Variants in ATP6V1G3 observed in about 807,000 individuals in gnomAD.
ATP6V1G3 encodes ATPase H+ transporting V1 subunit G3.
A neutral mutation model predicts 9.3 loss-of-function variants in ATP6V1G3; 9 were observed. That is an observed-to-expected ratio of 0.97 (90% CI 0.59 to 1.69). The LOEUF (loss-of-function observed/expected upper bound fraction) is 1.69, where lower values mean the gene tolerates loss of function less well. ATP6V1G3 is among the 40% of genes most tolerant of loss of function. The pLI, the probability that ATP6V1G3 is intolerant of heterozygous loss-of-function variation, is 0.00. For missense variants in ATP6V1G3, 133 were observed against 139.0 expected, an observed-to-expected ratio of 0.96 and a Z score of 0.22; for synonymous variants, 43 against 43.8, an observed-to-expected ratio of 0.98 and a Z score of 0.07.
chr1:198,528,699 T>C (rs1659763384), intron 2 of ATP6V1G3, among the ~76,000 whole-genome samples: 1 of 152,088 alleles, frequency 6.6e-6, no homozygotes, highest in Admixed American at 6.6e-5. Flanking sequence ...TAGTTATTTA[T>C]GTAACTAACC....
At chr1:198,538,891 C>CAGAAAAAAAA (rs1553275392) in intron 1 of ATP6V1G3, among the ~76,000 whole-genome samples, 3 of 97,386 alleles carry the variant, frequency 3.1e-5, no homozygotes. Flanking sequence ...GACCCTGTCT[C>CAGAAAAAAAA]AAAAAAAAAA....
At chr1:198,528,248 GT>G (rs1271636573) in intron 2 of ATP6V1G3, among the ~76,000 whole-genome samples, 1 of 152,010 alleles carries the variant, frequency 6.6e-6, no homozygotes, top group Non-Finnish European at 1.5e-5. Flanking sequence ...TTATTATGTG[GT>G]CCAATTTATC....
chr1:198,530,946 C>G (rs1007573697), intron 1 of ATP6V1G3, among the ~76,000 whole-genome samples: 1 of 151,976 alleles, frequency 6.6e-6, no homozygotes, highest in Non-Finnish European at 1.5e-5. Flanking sequence ...TACTCTCCAT[C>G]TTAATTGCAT....
At chr1:198,534,307 G>A (rs891255314) in intron 1 of ATP6V1G3, among the ~76,000 whole-genome samples, 7 of 152,156 alleles carry the variant, frequency 4.6e-5, no homozygotes, top group Non-Finnish European at 7.3e-5. Context: ...ACACAGGGAG[G>A]AAGGCCATGT....
At chr1:198,540,733 T>C (rs1660314197), upstream of ATP6V1G3, 12 of 1,368,560 alleles carry the variant, frequency 8.8e-6, no homozygotes, top group South Asian at 1.2e-4. Flanking sequence ...AACATATAAC[T>C]CAGATTATTG....
Position 198,529,301 on chromosome 1 carries a change from C to T in ATP6V1G3, c.83-120G>A, listed in dbSNP as rs987289386. 4.8e-4 allele frequency: 107 copies of T among 222,428 alleles called. 1 individual carries two copies. The highest frequency in any genetic ancestry group is 1.9e-3 in the Admixed American group (33 of 17,354). 13.8% of individuals were successfully genotyped at this position (222,428 alleles called of 1,614,324 possible). Reference sequence around the variant, plus strand: ...AACAACTGTACATATATGTTACACACGTATGCATATGGAGCTGCAAACTTA... The same window carrying T: ...AACAACTGTACATATATGTTACACATGTATGCATATGGAGCTGCAAACTTA... On this transcript the variant is annotated intron_variant, in intron 1 of 2. Coordinates refer to ENST00000367382, the MANE Select transcript of ATP6V1G3 (RefSeq NM_001376861.1).
At chr1:198,532,009 G>A (rs897170742) in intron 1 of ATP6V1G3, among the ~76,000 whole-genome samples, 4 of 152,090 alleles carry the variant, frequency 2.6e-5, no homozygotes, top group African/African-American at 7.2e-5. Flanking sequence ...GTGAGTTTGA[G>A]GAGAAGTCCT....
chr1:198,538,188 G>T (rs1037343857), intron 1 of ATP6V1G3, among the ~76,000 whole-genome samples: 3 of 151,904 alleles, frequency 2.0e-5, no homozygotes, highest in Non-Finnish European at 4.4e-5. Context: ...GGTAGATTAA[G>T]AAAAAAATAT....
Position 198,529,446 on chromosome 1 carries a change from G to A in ATP6V1G3, c.83-265C>T, listed in dbSNP as rs77166661. Among the ~76,000 whole-genome samples the A allele has an allele frequency of 4.9e-4, 74 of 151,720 alleles. No homozygotes were observed. In the East Asian group the frequency reaches 0.013, roughly 27 times the overall value. On this transcript the variant is annotated intron_variant, in intron 1 of 2. Transcript: ENST00000367382. Reference sequence around the variant, plus strand: ...TTTTTTATTGGATTCTTTAGGACACGTAAATGACAACTTTTTTTTGCACTT... The same window carrying A: ...TTTTTTATTGGATTCTTTAGGACACATAAATGACAACTTTTTTTTGCACTT...
At chr1:198,537,101 C>T (rs191119766) in intron 1 of ATP6V1G3, among the ~76,000 whole-genome samples, 1 of 152,302 alleles carries the variant, frequency 6.6e-6, no homozygotes. Context: ...GATTTCATCT[C>T]TCTCAGTAGC....
intron 2 of ATP6V1G3, among the ~76,000 whole-genome samples, chr1:198,524,981 G>GC (rs1659598579): frequency 6.6e-6 from 1 of 152,118 alleles, no homozygotes; most frequent in East Asian, 1.9e-4. Flanking sequence ...AGGCGCTTGG[G>GC]TTCAAGTTCT....
At chr1:198,534,932 CAA>C (rs1323109112) in intron 1 of ATP6V1G3, among the ~76,000 whole-genome samples, 1 of 152,180 alleles carries the variant, frequency 6.6e-6, no homozygotes, top group Non-Finnish European at 1.5e-5. Flanking sequence ...ACCAGAAAAA[CAA>C]AGAGGCAGCC....
At chr1:198,536,331 G>C (rs897722238) in intron 1 of ATP6V1G3, among the ~76,000 whole-genome samples, 3 of 152,166 alleles carry the variant, frequency 2.0e-5, no homozygotes, top group Admixed American at 1.3e-4. Context: ...ACAAGTCTCT[G>C]TTCCTCCTGT....
chr1:198,539,591 G>T (rs1660264008), intron 1 of ATP6V1G3, among the ~76,000 whole-genome samples: 1 of 152,146 alleles, frequency 6.6e-6, no homozygotes, highest in African/African-American at 2.4e-5. Context: ...AAGCACAGTG[G>T]TTAAGATCTG....
At chr1:198,529,623 A>T (rs1295826305) in intron 1 of ATP6V1G3, among the ~76,000 whole-genome samples, 1 of 152,160 alleles carries the variant, frequency 6.6e-6, no homozygotes, top group Non-Finnish European at 1.5e-5. Context: ...ACTGGATCCT[A>T]TTTAACACTG....
chr1:198,540,452 G>T, intron 1 of ATP6V1G3, 117 bp downstream of exon 1: 1 of 967,770 alleles, frequency 1.0e-6, no homozygotes, highest in South Asian at 1.3e-5. Context: ...AGGTCTCACA[G>T]GGAGTACAGT....
chr1:198,529,844 T>A (rs1190272794), intron 1 of ATP6V1G3, among the ~76,000 whole-genome samples: 4 of 152,098 alleles, frequency 2.6e-5, no homozygotes, highest in Admixed American at 6.6e-5. Flanking sequence ...TTGTTTTTAA[T>A]GATTAGGAGA....
rs546361675 is a variant in ATP6V1G3, at chr1:198,527,183, G to C, written c.183+1898C>G. On this transcript the variant is annotated intron_variant, in intron 2 of 2. Coordinates refer to ENST00000367382, the MANE Select transcript of ATP6V1G3 (RefSeq NM_001376861.1). ...CTGGGTTAATGAGGATAAGATTTAA[G>C]TGGAATAGCAATATGCCTGACATAT... 2.0e-5 allele frequency among the ~76,000 whole-genome samples: 3 copies of C among 152,256 alleles called. No individual in the cohort carries two copies. The East Asian group carries it at 5.8e-4, about 29-fold the overall frequency.
intron 1 of ATP6V1G3, among the ~76,000 whole-genome samples, chr1:198,533,219 G>A (rs4915298): frequency 0.068 from 10,321 of 151,402 alleles, 525 homozygotes; most frequent in South Asian, 0.23. Flanking sequence ...CAGGAGAATC[G>A]CTTGAACCCA....
Sources: gnomAD v4.1 joint callset for allele counts (sites outside exome capture counted in the v4.1 genomes callset) on GRCh38, gnomAD v4.1.1 for gene constraint, MANE v1.5 for transcripts, NCBI Gene and HGNC (gene_info 2026-07-23, HGNC 2026-07-21) for gene names.